Variants in WHRN observed in about 807,000 individuals in gnomAD.
The protein encoded by WHRN is whirlin.
Under a neutral mutation model 68.3 loss-of-function variants are expected in WHRN, and 41 were observed. The ratio of observed to expected loss-of-function variants is 0.60; its 90% CI spans 0.47 to 0.78. The LOEUF (loss-of-function observed/expected upper bound fraction) is 0.78. WHRN is among the 30% of genes least tolerant of loss of function. The pLI, the probability that WHRN is intolerant of heterozygous loss-of-function variation, is 0.00. For synonymous variants in WHRN, 560 were observed against 561.3 expected, an observed-to-expected ratio of 1.00 and a Z score of 0.03; for missense variants, 1,243 against 1,244.7, an observed-to-expected ratio of 1.00 and a Z score of 0.02.
At chr9:114,499,548 A>G (rs1843740970) in intron 1 of WHRN, among the ~76,000 whole-genome samples, 1 of 152,236 alleles carries the variant, frequency 6.6e-6, no homozygotes, top group African/African-American at 2.4e-5. Context: ...GAACCTTGCA[A>G]GAAATCACCA....
chr9:114,502,318 C>T (rs970058685), intron 1 of WHRN, among the ~76,000 whole-genome samples: 2 of 152,202 alleles, frequency 1.3e-5, no homozygotes, highest in African/African-American at 2.4e-5. Context: ...TAAAGGACAG[C>T]TCTGCTCCTA....
intron 1 of WHRN, among the ~76,000 whole-genome samples, chr9:114,497,744 CT>C (rs1449000733): frequency 6.6e-6 from 1 of 152,110 alleles, no homozygotes; most frequent in Non-Finnish European, 1.5e-5. Context: ...TGGCTCTGGG[CT>C]TCAGGGGAGG....
intron 3 of WHRN, among the ~76,000 whole-genome samples, chr9:114,428,593 T>A (rs1040088705): frequency 6.6e-6 from 1 of 152,196 alleles, no homozygotes; most frequent in African/African-American, 2.4e-5. Flanking sequence ...CACATCCAGG[T>A]CAGGCCAGCA....
At chr9:114,427,706 C>T (rs1188405427) in intron 3 of WHRN, among the ~76,000 whole-genome samples, 2 of 152,310 alleles carry the variant, frequency 1.3e-5, no homozygotes, top group South Asian at 4.1e-4. Flanking sequence ...GAATGCCTCA[C>T]CCCAGTTGGG....
chr9:114,454,110 G>C (rs7042764), intron 3 of WHRN, among the ~76,000 whole-genome samples: 114,405 of 152,134 alleles, frequency 0.75, 43,208 homozygotes, highest in East Asian at 0.98. Flanking sequence ...TCTAAACAAA[G>C]TAGGAATCAA....
In WHRN at chr9:114,424,490, G is replaced by A. The variant is rs775334641; in HGVS notation, c.1260C>T (p.Asn420=). ...GCTCCTCCAGCAGCACTCGTGTCTG[G>A]TTCCCCAGGCTGCTCAGGGTCACCT... ...GSQVTLSSLG[N]QTRVLLEEQA... The change falls in exon 6 of 12, where the codon AAC becomes AAT. Residue 420 remains asparagine, a synonymous_variant. Coordinates refer to ENST00000362057, the MANE Select transcript of WHRN (RefSeq NM_015404.4). 1 of 1,614,020 alleles carries A rather than the reference G, an allele frequency of 6.2e-7. No individual in the cohort carries two copies. The highest frequency in any genetic ancestry group is 1.1e-5 in the South Asian group (1 of 91,074).
intron 1 of WHRN, among the ~76,000 whole-genome samples, chr9:114,500,667 CCT>C (rs1843843380): frequency 6.6e-6 from 1 of 152,190 alleles, no homozygotes; most frequent in South Asian, 2.1e-4. Flanking sequence ...GCCCCGCTAC[CCT>C]GTGTTCTGCT....
chr9:114,431,439 C>A (rs1837413715), intron 3 of WHRN, among the ~76,000 whole-genome samples: 1 of 152,194 alleles, frequency 6.6e-6, no homozygotes, highest in Non-Finnish European at 1.5e-5. Flanking sequence ...AACAAATGAA[C>A]CAGCCTTTGA....
In WHRN at chr9:114,486,814, CAA is replaced by C. The variant is rs59992011; in HGVS notation, c.619-8045_619-8044del. Reference sequence around the variant, plus strand: ...CCAATCTGTGCCCCAGCTTCCCAGGCAAAAAAAAAAAAAAAAAAAGAGAGAAA... The same window carrying C: ...CCAATCTGTGCCCCAGCTTCCCAGGCAAAAAAAAAAAAAAAAAGAGAGAAA... On this transcript the variant is annotated intron_variant, in intron 1 of 11. Transcript: ENST00000362057. Among the ~76,000 whole-genome samples the C allele has an allele frequency of 1.8e-4, 13 of 71,208 alleles. 1 individual carries two copies. The highest frequency in any genetic ancestry group is 1.1e-3 in the South Asian group (2 of 1,814). 46.7% of individuals were successfully genotyped at this position (71,208 alleles called of 152,430 possible). A position where few individuals can be genotyped will look rare whatever the true frequency, so the allele number is the denominator to read the frequency against.
chr9:114,457,794 T>A (rs564914574), intron 3 of WHRN, among the ~76,000 whole-genome samples: 1 of 151,970 alleles, frequency 6.6e-6, no homozygotes, highest in Admixed American at 6.6e-5. Flanking sequence ...CAGGCACCAG[T>A]AATCCCAGCT....
intron 1 of WHRN, among the ~76,000 whole-genome samples, chr9:114,490,471 A>G (rs916398389): frequency 6.6e-6 from 1 of 152,228 alleles, no homozygotes; most frequent in African/African-American, 2.4e-5. Flanking sequence ...TTAAAAACCA[A>G]CGGCTGGATA....
rs1461944073 is a variant in WHRN, at chr9:114,402,444, C to T, written c.*310G>A. ...CCTAGCTGGAGGGGGGACAGCAGTG[C>T]CCCCAACCCAACCTGGAGAAACCAG... On this transcript the variant is annotated 3_prime_UTR_variant, in exon 12 of 12. Transcript: ENST00000362057. The T allele has an allele frequency of 9.3e-6, 4 of 428,132 alleles. 1 individual carries two copies. The Admixed American group carries it at 1.4e-4, about 15-fold the overall frequency. 26.5% of individuals were successfully genotyped at this position (428,132 alleles called of 1,614,324 possible). A position where few individuals can be genotyped will look rare whatever the true frequency, so the allele number is the denominator to read the frequency against.
At chr9:114,443,448 C>T (rs1838554297) in intron 3 of WHRN, among the ~76,000 whole-genome samples, 1 of 152,148 alleles carries the variant, frequency 6.6e-6, no homozygotes, top group African/African-American at 2.4e-5. Context: ...TAGCCCCTTC[C>T]TCCATCTTCA....
Position 114,406,783 on chromosome 9 carries a change from C to T in WHRN, c.1808G>A (p.Gly603Glu), listed in dbSNP as rs368141295. ...DLPLGQPRKLGREDLQPPSSM... is the reference protein window; with the variant it reads ...DLPLGQPRKLEREDLQPPSSM... ...GGAAGGTGGCTGGAGGTCCTCTCTC[C>T]CCAGCTTCCTTGGCTGGCCTAGTGG... Residue 603 changes from glycine to glutamate, a missense_variant, in exon 9 of 12, where the codon GGG becomes GAG. Gly to Glu is a moderately conservative substitution (Grantham distance 98, BLOSUM62 -2). Transcript: ENST00000362057. 1.2e-6 allele frequency: 2 copies of T among 1,613,930 alleles called. No individual in the cohort carries two copies. Among genetic ancestry groups the T allele is most frequent in the Admixed American group, 1.7e-5 (1 of 60,000 alleles).
Position 114,424,664 on chromosome 9 carries a change from C to A in WHRN, c.1204-118G>T, listed in dbSNP as rs1037776619. ...AGTGTGGTGTTTCATCTGTTATTCT[C>A]CCTCATAACCCCCAGCACCTTGCCT... is the stretch of plus-strand genomic sequence containing the variant. On this transcript the variant is annotated intron_variant, in intron 5 of 11. Coordinates refer to ENST00000362057, the MANE Select transcript of WHRN (RefSeq NM_015404.4). 4 of 1,138,104 alleles carry A rather than the reference C, an allele frequency of 3.5e-6. No individual in the cohort carries two copies. In the African/African-American group the frequency reaches 4.6e-5, roughly 13 times the overall value. 70.5% of individuals were successfully genotyped at this position (1,138,104 alleles called of 1,614,324 possible). A position where few individuals can be genotyped will look rare whatever the true frequency, so the allele number is the denominator to read the frequency against.
At chr9:114,449,114 T>C (rs1297902316) in intron 3 of WHRN, among the ~76,000 whole-genome samples, 1 of 152,202 alleles carries the variant, frequency 6.6e-6, no homozygotes, top group Non-Finnish European at 1.5e-5. Context: ...CTGGTAATCA[T>C]TTCCCTTATG....
At chr9:114,446,734 A>G (rs1004861668) in intron 3 of WHRN, among the ~76,000 whole-genome samples, 1 of 152,152 alleles carries the variant, frequency 6.6e-6, no homozygotes, top group Admixed American at 6.5e-5. Context: ...GGACATCCCA[A>G]ACTCTGAAAG....
chr9:114,463,809 T>C (rs1840440167), intron 3 of WHRN, among the ~76,000 whole-genome samples: 2 of 152,228 alleles, frequency 1.3e-5, no homozygotes, highest in South Asian at 4.1e-4. Flanking sequence ...ATCCAACACA[T>C]TTCAGAATCA....
At chr9:114,493,538 C>A (rs2133346124) in intron 1 of WHRN, among the ~76,000 whole-genome samples, 1 of 152,208 alleles carries the variant, frequency 6.6e-6, no homozygotes, top group African/African-American at 2.4e-5. Flanking sequence ...AGGAGAGAGA[C>A]CCTCCTCTCA....
Sources: gnomAD v4.1 joint callset for allele counts (sites outside exome capture counted in the v4.1 genomes callset) on GRCh38, gnomAD v4.1.1 for gene constraint, MANE v1.5 for transcripts, NCBI Gene and HGNC (gene_info 2026-07-23, HGNC 2026-07-21) for gene names.